The following ZSCAN5C variants were observed in gnomAD, a reference collection of about 807,000 sequenced individuals.
ZSCAN5C encodes zinc finger and SCAN domain-containing protein 5C.
In ZSCAN5C, 11 loss-of-function variants were observed where a neutral mutation model predicts 17.3. The ratio of observed to expected loss-of-function variants is 0.64; its 90% CI spans 0.40 to 1.06. The LOEUF (loss-of-function observed/expected upper bound fraction) is 1.06. Among genes scored for constraint, ZSCAN5C ranks in the 50% least tolerant of loss-of-function variants. ZSCAN5C has a pLI of 0.00. For missense variants in ZSCAN5C, 698 were observed against 538.9 expected, an observed-to-expected ratio of 1.30 and a Z score of -2.92; for synonymous variants, 229 against 208.4, an observed-to-expected ratio of 1.10 and a Z score of -0.85.
chr19:56,202,661 C>T (rs1160627852), intron 1 of ZSCAN5C, among the ~76,000 whole-genome samples: 1 of 151,946 alleles, frequency 6.6e-6, no homozygotes, highest in Admixed American at 6.5e-5. Flanking sequence ...TCAAACGATC[C>T]GCCTGCCTCT....
At chr19:56,208,850 G>C in exon 5 of ZSCAN5C, 3 of 1,563,518 alleles carry the variant, frequency 1.9e-6, no homozygotes, top group Non-Finnish European at 2.6e-6. Context: ...ACACACAGGC[G>C]AGAGACTCTT....
exon 5 of ZSCAN5C, chr19:56,209,199 G>C (rs1392669292): frequency 1.3e-6 from 1 of 765,870 alleles, no homozygotes; most frequent in Non-Finnish European, 2.3e-6. Flanking sequence ...ACTTCACAGT[G>C]ACTTCACCAT....
chr19:56,205,559 T>A (rs1223048367), intron 1 of ZSCAN5C, among the ~76,000 whole-genome samples: 1 of 151,874 alleles, frequency 6.6e-6, no homozygotes, highest in Non-Finnish European at 1.5e-5. Context: ...CAATTCAGCC[T>A]TTGCACAATG....
chr19:56,203,872 C>T (rs1403212748), intron 1 of ZSCAN5C, among the ~76,000 whole-genome samples: 1 of 151,708 alleles, frequency 6.6e-6, no homozygotes, highest in Non-Finnish European at 1.5e-5. Flanking sequence ...TGGTCTTGAA[C>T]TCCCGACCTC....
rs761711562 is a variant in ZSCAN5C at position 56,207,142 on chromosome 19, T to C, written c.468T>C (p.Asp156=). Residue 156 remains aspartate, a synonymous_variant, in exon 3 of 5, where the codon GAT becomes GAC. Transcript: ENST00000534327. ...CTGAAGCCCCCGCCAGTGTCAGAGA[T>C]GATCCGAGACACGTGTCCAGCCAGC... is the stretch of plus-strand genomic sequence containing the variant. The C allele has an allele frequency of 3.9e-6, 3 of 777,594 alleles. No individual in the cohort carries two copies. In the African/African-American group the frequency reaches 5.1e-5, roughly 13 times the overall value. The allele number at this position is 777,594 out of a possible 1,614,324, so 48.2% of individuals were successfully genotyped here.
At chr19:56,209,322 A>C, downstream of ZSCAN5C, 1 of 528,484 alleles carries the variant, frequency 1.9e-6, no homozygotes, top group South Asian at 3.3e-5. Context: ...CCTAGATAGG[A>C]ATTCCTAGGA....
exon 3 of ZSCAN5C, chr19:56,207,242 C>G (rs760664161): frequency 9.0e-6 from 7 of 778,650 alleles, no homozygotes; most frequent in South Asian, 5.4e-5. Context: ...GCCCAGGGTC[C>G]CTGCACTGTT....
chr19:56,207,780 C>A (rs2032940391), intron 3 of ZSCAN5C, among the ~76,000 whole-genome samples: 1 of 151,756 alleles, frequency 6.6e-6, no homozygotes, highest in Non-Finnish European at 1.5e-5. Flanking sequence ...GGAGCGCCCC[C>A]TCCAGGAGGG....
At chr19:56,203,846 T>C (rs1290511325) in intron 1 of ZSCAN5C, among the ~76,000 whole-genome samples, 1 of 151,370 alleles carries the variant, frequency 6.6e-6, no homozygotes, top group Non-Finnish European at 1.5e-5. Flanking sequence ...ACGGGGTTTC[T>C]CCATGTTGGT....
intron 1 of ZSCAN5C, among the ~76,000 whole-genome samples, chr19:56,203,227 C>A (rs117057909): frequency 0.019 from 2,888 of 151,898 alleles, 166 homozygotes; most frequent in Admixed American, 0.12. Flanking sequence ...GTGGCAAAAT[C>A]ATTTTTAATT....
chr19:56,208,969 G>T (rs1197949864), exon 5 of ZSCAN5C: 3 of 1,613,596 alleles, frequency 1.9e-6, no homozygotes, highest in Non-Finnish European at 2.5e-6. Flanking sequence ...GCCAGAAGCA[G>T]TTCACCCAGA....
At chr19:56,204,040 G>T (rs1379633313) in intron 1 of ZSCAN5C, among the ~76,000 whole-genome samples, 1 of 151,640 alleles carries the variant, frequency 6.6e-6, no homozygotes, top group East Asian at 1.9e-4. Flanking sequence ...TTTAAATTTG[G>T]GGTGTACCTG....
exon 5 of ZSCAN5C, chr19:56,209,016 G>A: frequency 6.2e-7 from 1 of 1,612,982 alleles, no homozygotes; most frequent in Non-Finnish European, 8.5e-7. Context: ...AGCCACACAG[G>A]GGAGAAGCCC....
intron 1 of ZSCAN5C, among the ~76,000 whole-genome samples, chr19:56,204,814 C>G (rs946365837): frequency 2.0e-5 from 3 of 151,940 alleles, no homozygotes; most frequent in Non-Finnish European, 4.4e-5. Context: ...TTGCTTCCCC[C>G]ACCTGTGTCT....
At chr19:56,205,969 G>T in exon 2 of ZSCAN5C, 1 of 1,510,434 alleles carries the variant, frequency 6.6e-7, no homozygotes, top group Admixed American at 1.7e-5. Flanking sequence ...AACAGCCCTG[G>T]GTCAGAGCCA....
intron 2 of ZSCAN5C, among the ~76,000 whole-genome samples, chr19:56,206,608 G>A (rs958638312): frequency 1.3e-5 from 2 of 151,776 alleles, no homozygotes; most frequent in Non-Finnish European, 2.9e-5. Context: ...GGCAGAGGGG[G>A]TACAGGGACC....
exon 5 of ZSCAN5C, chr19:56,209,169 A>G (rs989010147): frequency 1.9e-6 from 2 of 1,051,090 alleles, no homozygotes; most frequent in Admixed American, 4.1e-5. Flanking sequence ...AGACGCCACC[A>G]GAAAACACAT....
exon 5 of ZSCAN5C, chr19:56,208,898 A>G: frequency 6.2e-7 from 1 of 1,603,198 alleles, no homozygotes; most frequent in Non-Finnish European, 8.5e-7. Flanking sequence ...CATGCAGCGC[A>G]TAGGCCTGCA....
chr19:56,205,102 G>A (rs1305827946), intron 1 of ZSCAN5C, among the ~76,000 whole-genome samples: 2 of 151,838 alleles, frequency 1.3e-5, no homozygotes, highest in Admixed American at 1.3e-4. Context: ...GATCACTGAT[G>A]AGGATGGGGT....
Sources: gnomAD v4.1 joint callset for allele counts (sites outside exome capture counted in the v4.1 genomes callset) on GRCh38, gnomAD v4.1.1 for gene constraint, MANE v1.5 for transcripts, NCBI Gene and HGNC (gene_info 2026-07-23, HGNC 2026-07-21) for gene names.